The following TAOK2 variants were observed in gnomAD, a reference collection of about 807,000 sequenced individuals.
TAOK2 encodes the protein TAO kinase 2.
TAOK2 carries 42 observed loss-of-function variants against 122.5 expected under a neutral mutation model. The observed-to-expected ratio is 0.34, with a 90% CI of 0.27 to 0.44. TAOK2 has a LOEUF of 0.44. TAOK2 is among the 20% of genes least tolerant of loss of function. TAOK2 has a pLI of 1.00. For missense variants in TAOK2, 1,264 were observed against 1,644.9 expected (o/e 0.77, Z 4.01); for synonymous variants, 704 against 677.6 (o/e 1.04, Z -0.61).
At chr16:29,991,858 A>T, downstream of TAOK2, 1 of 340,760 alleles carries the variant, frequency 2.9e-6, no homozygotes, top group Admixed American at 4.7e-5. This position sits in a 1 kb window ranked among gnomAD's most constrained non-coding sequence, Gnocchi z 5.6. Flanking sequence ...ATATTCATCT[A>T]GTCCCCTGGG....
At chr16:29,976,140 GT>G (rs1227137836) in intron 1 of TAOK2, among the ~76,000 whole-genome samples, 1 of 152,140 alleles carries the variant, frequency 6.6e-6, no homozygotes, top group African/African-American at 2.4e-5. Flanking sequence ...TGTGGCCTAG[GT>G]TAGCATTCTG....
chr16:29,977,528 C>T (rs1455203867), intron 1 of TAOK2, among the ~76,000 whole-genome samples: 1 of 152,162 alleles, frequency 6.6e-6, no homozygotes. Context: ...GTTTTAGGGA[C>T]TCCAGGGACC....
intron 4 of TAOK2, 57 bp downstream of exon 4, chr16:29,978,410 CGTA>C: frequency 6.4e-7 from 1 of 1,558,766 alleles, no homozygotes; most frequent in East Asian, 2.2e-5. Flanking sequence ...CCGTCCTTAT[CGTA>C]GTCCAGTCTC....
At position 29,987,649 on chromosome 16, in the gene TAOK2, G is replaced by A. The variant is rs189332502; in HGVS notation, c.3377G>A (p.Arg1126His). The change falls in exon 16 of 16, where the codon CGC (arginine) becomes CAC (histidine). Residue 1126 changes from arginine (R) to histidine (H), a missense_variant. Transcript: ENST00000308893. ...ACCAACAAGGATGGCTTCCGCAGCC[G>A]CCTGCCCGTCCCTGGGCCCCGGCGG... ...PKTNKDGFRS[R>H]LPVPGPRRRN... is the part of the protein sequence containing the mutation. The A allele has an allele frequency of 5.2e-5, 84 of 1,613,502 alleles. No homozygotes were observed. In the East Asian group the frequency reaches 6.9e-4, roughly 13 times the overall value.
intron 8 of TAOK2, chr16:29,981,223 C>T (rs2069603725): frequency 3.1e-6 from 1 of 322,652 alleles, no homozygotes; most frequent in Non-Finnish European, 5.6e-6. Flanking sequence ...TTCCCTGTTT[C>T]CCTCTTATAC....
chr16:29,986,763 C>A lies in TAOK2; in HGVS notation c.2491C>A (p.His831Asn), dbSNP rs2069811076. Reference protein sequence around the residue: ...SGAPSPSPQKHGSLVDEEVWG... With the variant: ...SGAPSPSPQKNGSLVDEEVWG... ...AGCCCCTAGTCCCAGTCCACAAAAA[C>A]ATGGGAGCCTGGTTGATGAGGAAGT... Residue 831 changes from histidine (H) to asparagine (N), a missense_variant, in exon 16 of 16, where the codon CAT (histidine) becomes AAT (asparagine). Coordinates refer to ENST00000308893, the MANE Select transcript of TAOK2 (RefSeq NM_016151.4). The surrounding 1 kb of genome is among the most constrained non-coding windows in gnomAD (Gnocchi z 4.2). 1.2e-6 allele frequency: 2 copies of A among 1,613,866 alleles called. No individual in the cohort carries two copies. The highest frequency in any genetic ancestry group is 1.7e-6 in the Non-Finnish European group (2 of 1,179,916).
downstream of TAOK2, chr16:29,989,484 T>A: frequency 6.5e-7 from 1 of 1,545,514 alleles, no homozygotes; most frequent in Non-Finnish European, 8.7e-7. Context: ...CCTCTCCTCT[T>A]CTCTCTCTTC....
downstream of TAOK2, chr16:29,991,787 C>G: frequency 2.1e-6 from 1 of 480,494 alleles, no homozygotes. The surrounding 1 kb of genome is among the most constrained non-coding windows in gnomAD (Gnocchi z 5.6). Flanking sequence ...CCCCGCCTCC[C>G]TACCATGGTG....
intron 1 of TAOK2, among the ~76,000 whole-genome samples, chr16:29,975,098 G>A (rs1375651631): frequency 6.6e-6 from 1 of 152,148 alleles, no homozygotes; most frequent in Non-Finnish European, 1.5e-5. Flanking sequence ...TTGCAAGGAA[G>A]TGTGTGTATA....
At position 29,983,744 on chromosome 16, in the gene TAOK2, G is replaced by A; in HGVS notation, c.1422+80G>A. On this transcript the variant is annotated intron_variant, in intron 13 of 15. Coordinates refer to ENST00000308893, the MANE Select transcript of TAOK2 (RefSeq NM_016151.4). ...TAAGTCTAGAAATGATTTCCTCCCT[G>A]TGGCATGGGATTGAGTCTGGATTCT... 2.0e-6 allele frequency: 3 copies of A among 1,534,236 alleles called. No homozygotes were observed. In the South Asian group the frequency reaches 3.6e-5, roughly 19 times the overall value.
intron 11 of TAOK2, 27 bp from the exon 12 acceptor site, chr16:29,983,045 G>A: frequency 6.2e-7 from 1 of 1,612,896 alleles, no homozygotes; most frequent in South Asian, 1.1e-5. Context: ...CCCCTTCCCT[G>A]TCCAGCAGCC....
At chr16:29,989,458 GTC>G (rs1486610117), downstream of TAOK2, 22 of 1,485,966 alleles carry the variant, frequency 1.5e-5, no homozygotes, top group Non-Finnish European at 1.8e-5. Flanking sequence ...CCCTCTCCCT[GTC>G]TCTGCTTCTG....
At position 29,987,932 on chromosome 16, in the gene TAOK2, GC is replaced by G; in HGVS notation, c.3661del (p.Arg1221GlyfsTer17). The G allele has an allele frequency of 6.5e-7, 1 of 1,545,128 alleles. No individual in the cohort carries two copies. Among genetic ancestry groups the G allele is most frequent in the Non-Finnish European group, 8.7e-7 (1 of 1,151,048 alleles). On this transcript the variant is annotated frameshift_variant, in exon 16 of 16. Coordinates refer to ENST00000308893, the MANE Select transcript of TAOK2 (RefSeq NM_016151.4). LOFTEE classifies it high-confidence loss of function. The stretch of plus-strand genomic sequence containing the variant: ...AGCCACTGCCAGGGACTCTAGCCGG[GC>G]GGAGGTCACGCACCCGCCAGTCCCG... ...RQPLPGTLAG[R>X]RSRTRQSRAL...
At chr16:29,978,700 C>T in intron 4 of TAOK2, 99 bp from the exon 5 acceptor site, 1 of 1,414,148 alleles carries the variant, frequency 7.1e-7, no homozygotes. Context: ...TCCCTGTCAT[C>T]ACCCCGGGGA....
At chr16:29,983,776 A>ATT in intron 13 of TAOK2, 112 bp downstream of exon 13, 4 of 1,467,338 alleles carry the variant, frequency 2.7e-6, no homozygotes, top group Non-Finnish European at 3.7e-6. Flanking sequence ...TTCTACCCTC[A>ATT]TTTTCTGTTG....
In TAOK2 at chr16:29,988,109, C is replaced by T. The variant is rs1348686054; in HGVS notation, c.*129C>T. 9 of 1,434,434 alleles carry T rather than the reference C, an allele frequency of 6.3e-6. No individual in the cohort carries two copies. The highest frequency in any genetic ancestry group is 8.2e-6 in the Non-Finnish European group (9 of 1,099,334). The allele number at this position is 1,434,434 out of a possible 1,614,324, so 88.9% of individuals were successfully genotyped here. On this transcript the variant is annotated 3_prime_UTR_variant, in exon 16 of 16. Transcript: ENST00000308893. The stretch of plus-strand genomic sequence containing the variant: ...CCTCAGTTTGCTCACTTACCCCAGG[C>T]CCAGCCCTTCGGACCTCTAGACAGG...
In TAOK2 at chr16:29,978,790, C is replaced by G. The variant is rs2069533149; in HGVS notation, c.307-9C>G. ...AGACTCTGATCTCTGACCCTTGTCTCTTCCTTAGCTGGTAATGGAGTATTG... is the reference window on the plus strand; with the variant it reads ...AGACTCTGATCTCTGACCCTTGTCTGTTCCTTAGCTGGTAATGGAGTATTG... On this transcript the variant is annotated splice_polypyrimidine_tract_variant and intron_variant, in intron 4 of 15. Transcript: ENST00000308893. 1.9e-6 allele frequency: 3 copies of G among 1,613,954 alleles called. No homozygotes were observed. The highest frequency in any genetic ancestry group is 1.7e-5 in the Admixed American group (1 of 59,996).
chr16:29,991,412 G>A, downstream of TAOK2: 1 of 1,547,772 alleles, frequency 6.5e-7, no homozygotes, highest in South Asian at 1.2e-5. The surrounding 1 kb of genome is among the most constrained non-coding windows in gnomAD (Gnocchi z 5.6). Flanking sequence ...CCCTGCTGCT[G>A]CTAAGAAACA....
In TAOK2 at chr16:29,985,758, GGCT is replaced by G. The variant is rs1567247275; in HGVS notation, c.1895_1897del (p.Leu632del). ...CAGTGCCAGGCGGAGGAGGAAGCAGGGCTGCTGCGGCGGCAGCGCCAGTACTTT... is the reference window on the plus strand; with the variant it reads ...CAGTGCCAGGCGGAGGAGGAAGCAGGGCTGCGGCGGCAGCGCCAGTACTTT... On this transcript the variant is annotated inframe_deletion, in exon 15 of 16. Transcript: ENST00000308893. The surrounding 1 kb of genome is among the most constrained non-coding windows in gnomAD (Gnocchi z 6.9). 6.2e-7 allele frequency: 1 copy of G among 1,611,576 alleles called. No homozygotes were observed.
Sources: allele counts gnomAD v4.1 joint callset (sites outside exome capture counted in the v4.1 genomes callset), GRCh38; gene constraint gnomAD v4.1.1; non-coding constraint Gnocchi (gnomAD v3.1); transcripts MANE v1.5; gene names NCBI Gene and HGNC (gene_info 2026-07-23, HGNC 2026-07-21).